Variants in CACNA2D1 observed in about 807,000 individuals in gnomAD.
CACNA2D1 encodes calcium voltage-gated channel auxiliary subunit alpha2delta 1, also known as voltage-dependent calcium channel subunit alpha-2/delta-1.
A neutral mutation model predicts 171.5 loss-of-function variants in CACNA2D1; 53 were observed. That is an observed-to-expected ratio of 0.31 (90% CI 0.25 to 0.39). The LOEUF is 0.39. Among genes scored for constraint, CACNA2D1 ranks in the 10% least tolerant of loss-of-function variants. CACNA2D1 has a pLI of 1.00. For synonymous variants in CACNA2D1, 442 were observed against 443.1 expected (o/e 1.00, Z 0.03); for missense variants, 903 against 1,299.8 (o/e 0.69, Z 4.69).
At chr7:82,170,213 A>G (rs907807820) in intron 4 of CACNA2D1, among the ~76,000 whole-genome samples, 1 of 151,948 alleles carries the variant, frequency 6.6e-6, no homozygotes, top group African/African-American at 2.4e-5. Flanking sequence ...GTATATTCAT[A>G]ATATCGACAA....
chr7:82,263,256 G>A (rs951981659), intron 3 of CACNA2D1, among the ~76,000 whole-genome samples: 4 of 151,588 alleles, frequency 2.6e-5, no homozygotes, highest in Middle Eastern at 3.2e-3. Flanking sequence ...TTACAGGTGC[G>A]CACCACCAAG....
At chr7:82,373,927 A>G (rs4236669) in intron 1 of CACNA2D1, among the ~76,000 whole-genome samples, 110,552 of 152,146 alleles carry the variant, frequency 0.73, 40,520 homozygotes, top group African/African-American at 0.83. Context: ...TCATAGTTTC[A>G]AACAATACAA....
chr7:82,079,518 C>A (rs1042230783), intron 7 of CACNA2D1, among the ~76,000 whole-genome samples: 1 of 151,880 alleles, frequency 6.6e-6, no homozygotes, highest in Non-Finnish European at 1.5e-5. Context: ...ATGGAGAAAA[C>A]CCGTCTCTAC....
intron 3 of CACNA2D1, among the ~76,000 whole-genome samples, chr7:82,284,909 A>G (rs1810563650): frequency 6.6e-6 from 1 of 151,944 alleles, no homozygotes. Flanking sequence ...ATTTTTACGC[A>G]TCCATTTTTT....
At chr7:82,177,397 T>C (rs1796656655) in intron 3 of CACNA2D1, among the ~76,000 whole-genome samples, 1 of 152,156 alleles carries the variant, frequency 6.6e-6, no homozygotes, top group African/African-American at 2.4e-5. Flanking sequence ...TCCTTGCTAA[T>C]AGGCTACATG....
intron 1 of CACNA2D1, among the ~76,000 whole-genome samples, chr7:82,354,818 A>G (rs546241231): frequency 6.6e-6 from 1 of 152,272 alleles, no homozygotes; most frequent in Non-Finnish European, 1.5e-5. Context: ...TGTGGGGCAG[A>G]TACCAGCAGG....
chr7:82,331,956 A>G (rs1284788817), intron 3 of CACNA2D1, among the ~76,000 whole-genome samples: 1 of 152,184 alleles, frequency 6.6e-6, no homozygotes, highest in East Asian at 1.9e-4. Flanking sequence ...TAAATAAAAA[A>G]GGGTATTCTC....
At chr7:82,084,459 C>A (rs368048850) in intron 7 of CACNA2D1, among the ~76,000 whole-genome samples, 1 of 152,126 alleles carries the variant, frequency 6.6e-6, no homozygotes, top group African/African-American at 2.4e-5. Context: ...AGCAGTTGGG[C>A]CTTTATCTCA....
At chr7:82,257,876 A>G (rs1008970825) in intron 3 of CACNA2D1, among the ~76,000 whole-genome samples, 3 of 152,342 alleles carry the variant, frequency 2.0e-5, no homozygotes, top group African/African-American at 7.2e-5. Flanking sequence ...TTGTTTGTAG[A>G]TTTATCTTAT....
At chr7:82,114,468 G>A (rs540347627) in intron 6 of CACNA2D1, among the ~76,000 whole-genome samples, 7 of 152,156 alleles carry the variant, frequency 4.6e-5, no homozygotes, top group Non-Finnish European at 8.8e-5. Flanking sequence ...AAAGAGGGCC[G>A]GCGTGGGGGC....
chr7:81,961,045 T>A lies in CACNA2D1; in HGVS notation c.2966+849A>T, dbSNP rs533914821. Reference sequence around the variant, plus strand: ...GCCCCTCTTGCAAAATTTTTTTTTTTAACTATTCTGGCACTTTCATAATCT... The same window carrying A: ...GCCCCTCTTGCAAAATTTTTTTTTTAAACTATTCTGGCACTTTCATAATCT... On this transcript the variant is annotated intron_variant, in intron 36 of 38. Coordinates refer to ENST00000356860, the MANE Select transcript of CACNA2D1 (RefSeq NM_000722.4). Among the ~76,000 whole-genome samples, 4 of 152,066 alleles carry A rather than the reference T, an allele frequency of 2.6e-5. No homozygotes were observed. In the South Asian group the frequency reaches 6.2e-4, roughly 24 times the overall value.
intron 3 of CACNA2D1, among the ~76,000 whole-genome samples, chr7:82,255,380 C>T (rs940819985): frequency 6.6e-5 from 10 of 152,250 alleles, no homozygotes; most frequent in African/African-American, 1.9e-4. Context: ...TGTTCTTTGA[C>T]GTATGTATCC....
chr7:82,197,840 A>C (rs1229054515), intron 3 of CACNA2D1, among the ~76,000 whole-genome samples: 2 of 151,788 alleles, frequency 1.3e-5, no homozygotes, highest in African/African-American at 4.8e-5. Flanking sequence ...CATGTGTTTT[A>C]ATTATATCTT....
intron 3 of CACNA2D1, among the ~76,000 whole-genome samples, chr7:82,223,671 T>G (rs1802029515): frequency 6.6e-6 from 1 of 152,220 alleles, no homozygotes; most frequent in African/African-American, 2.4e-5. Flanking sequence ...GCCTTTTGTG[T>G]TGTTTTTTAC....
intron 11 of CACNA2D1, among the ~76,000 whole-genome samples, chr7:82,033,308 G>T (rs1372915871): frequency 3.3e-5 from 5 of 151,936 alleles, no homozygotes; most frequent in African/African-American, 1.2e-4. Flanking sequence ...AGGGAAGGAA[G>T]CTTTGTCTTT....
intron 3 of CACNA2D1, among the ~76,000 whole-genome samples, chr7:82,258,780 A>G (rs1354512977): frequency 8.1e-5 from 12 of 149,028 alleles, no homozygotes. Context: ...TGCTTATTAG[A>G]AGAAGGTTAA....
At chr7:82,301,169 C>T (rs969454632) in intron 3 of CACNA2D1, among the ~76,000 whole-genome samples, 14 of 152,062 alleles carry the variant, frequency 9.2e-5, no homozygotes, top group Admixed American at 5.2e-4. Flanking sequence ...TCTTGTTGCC[C>T]AGGCTGGAGT....
intron 38 of CACNA2D1, among the ~76,000 whole-genome samples, chr7:81,957,668 C>CACAGTGACCATT (rs1457933733): frequency 6.6e-6 from 1 of 152,092 alleles, no homozygotes; most frequent in African/African-American, 2.4e-5. Flanking sequence ...AGAGCAGATT[C>CACAGTGACCATT]ACAGTGACCA....
chr7:82,292,042 C>A lies in CACNA2D1; in HGVS notation c.294+43093G>T, dbSNP rs1200859473. Among the ~76,000 whole-genome samples the A allele has an allele frequency of 5.3e-5, 8 of 151,862 alleles. No individual in the cohort carries two copies. The East Asian group carries it at 1.6e-3, about 29-fold the overall frequency. ...ACATTTTTCTCTTCCTCAATTTTTC[C>A]AGTTTAGCTAGTGGCAACTTTTAGG... is the stretch of plus-strand genomic sequence containing the variant. On this transcript the variant is annotated intron_variant, in intron 3 of 38. Transcript: ENST00000356860.
Sources: allele counts gnomAD v4.1 joint callset (sites outside exome capture counted in the v4.1 genomes callset), GRCh38; gene constraint gnomAD v4.1.1; transcripts MANE v1.5; gene names NCBI Gene and HGNC (gene_info 2026-07-23, HGNC 2026-07-21).